Variants in PTP4A2 observed in about 807,000 individuals in gnomAD.
PTP4A2 encodes protein tyrosine phosphatase type IVA 2.
In PTP4A2, 2 loss-of-function variants were observed where a neutral mutation model predicts 22.9. That is an observed-to-expected ratio of 0.09 (90% CI 0.04 to 0.27). PTP4A2 has a LOEUF of 0.27. Ranked by LOEUF, PTP4A2 falls within the 10% of genes least tolerant of loss-of-function variation. PTP4A2 has a pLI of 1.00. For missense variants in PTP4A2, 103 were observed against 205.1 expected (o/e 0.50, Z 3.04); for synonymous variants, 68 against 69.1 (o/e 0.98, Z 0.08).
At chr1:31,937,939 G>C (rs1166912555) in intron 1 of PTP4A2, 48 bp downstream of exon 1, 1 of 149,852 alleles carries the variant, frequency 6.7e-6, no homozygotes, top group African/African-American at 2.5e-5. Context: ...CCCCTTCCCC[G>C]AGGCCCCCGG....
intron 1 of PTP4A2, among the ~76,000 whole-genome samples, chr1:31,920,334 T>C (rs1652079947): frequency 6.6e-6 from 1 of 150,986 alleles, no homozygotes; most frequent in Non-Finnish European, 1.5e-5. Context: ...TCCCAGCTAC[T>C]TGGGAGGCTG....
rs1259030099 is a variant in PTP4A2, at chr1:31,908,294, C to T, written c.*558G>A. 4 of 133,574 alleles carry T rather than the reference C, an allele frequency of 3.0e-5. No individual in the cohort carries two copies. Among genetic ancestry groups the T allele is most frequent in the South Asian group, 2.3e-4 (1 of 4,310 alleles). 8.3% of individuals were successfully genotyped at this position (133,574 alleles called of 1,614,324 possible). Reference sequence around the variant, plus strand: ...GTGGGCTTAAGGCTGCCAGACTGCACGCACATCTACAGCAACAAGGGCTTC... The same window carrying T: ...GTGGGCTTAAGGCTGCCAGACTGCATGCACATCTACAGCAACAAGGGCTTC... On this transcript the variant is annotated 3_prime_UTR_variant, in exon 6 of 6. Coordinates refer to ENST00000647444, the MANE Select transcript of PTP4A2 (RefSeq NM_080391.4).
chr1:31,913,829 T>C (rs1306135154), intron 3 of PTP4A2: 1 of 456,310 alleles, frequency 2.2e-6, no homozygotes, highest in African/African-American at 2.0e-5. Context: ...TCCAGTCATT[T>C]TCTCACTCTG....
At chr1:31,934,198 C>A (rs1222036573) in intron 1 of PTP4A2, among the ~76,000 whole-genome samples, 1 of 152,194 alleles carries the variant, frequency 6.6e-6, no homozygotes, top group East Asian at 1.9e-4. Context: ...GCGCAGGCTG[C>A]AGTGAGCCAA....
intron 1 of PTP4A2, among the ~76,000 whole-genome samples, chr1:31,932,251 A>G (rs1652755884): frequency 6.6e-6 from 1 of 152,238 alleles, no homozygotes; most frequent in South Asian, 2.1e-4. Flanking sequence ...TGAGAAGACT[A>G]AAAGTTCAAA....
At chr1:31,924,134 A>G (rs1652337824) in intron 1 of PTP4A2, 1 of 152,244 alleles carries the variant, frequency 6.6e-6, no homozygotes, top group African/African-American at 2.4e-5. Flanking sequence ...CAGCTCCAGC[A>G]TTAAGTTTTC....
intron 1 of PTP4A2, among the ~76,000 whole-genome samples, chr1:31,927,580 T>C (rs1437517309): frequency 6.6e-6 from 1 of 152,176 alleles, no homozygotes; most frequent in African/African-American, 2.4e-5. Flanking sequence ...CTCTATCTGC[T>C]ATGTGGAAAC....
intron 1 of PTP4A2, among the ~76,000 whole-genome samples, chr1:31,933,432 G>A (rs1269483010): frequency 6.6e-6 from 1 of 152,052 alleles, no homozygotes; most frequent in African/African-American, 2.4e-5. Context: ...TCTATTTATT[G>A]ATAATCTTTA....
At chr1:31,921,629 A>T (rs187464880) in intron 1 of PTP4A2, 3 of 152,304 alleles carry the variant, frequency 2.0e-5, no homozygotes, top group Admixed American at 2.0e-4. Flanking sequence ...AAAAAGGGAC[A>T]AAGCTTAAGT....
chr1:31,931,416 T>G (rs1036002323), intron 1 of PTP4A2, among the ~76,000 whole-genome samples: 17 of 152,234 alleles, frequency 1.1e-4, no homozygotes, highest in African/African-American at 4.1e-4. Context: ...CAATAAAAGC[T>G]CTTAGGAATT....
chr1:31,926,149 A>AAAATATATATATAT (rs59088489), intron 1 of PTP4A2, among the ~76,000 whole-genome samples: 8 of 131,344 alleles, frequency 6.1e-5, no homozygotes, highest in Admixed American at 7.7e-5. Context: ...AAAAAAAAAA[A>AAAATATATATATAT]ATATATATAT....
At chr1:31,913,160 T>C (rs1651633848) in intron 3 of PTP4A2, 5 of 306,052 alleles carry the variant, frequency 1.6e-5, no homozygotes, top group South Asian at 1.4e-4. Flanking sequence ...TATTCCAATG[T>C]GTGTCTGGTT....
chr1:31,925,483 C>T (rs182892803), intron 1 of PTP4A2, among the ~76,000 whole-genome samples: 1 of 152,240 alleles, frequency 6.6e-6, no homozygotes, highest in Non-Finnish European at 1.5e-5. Flanking sequence ...GGCCGGGCGC[C>T]GTGGCTCACG....
At position 31,907,736 on chromosome 1, in the gene PTP4A2, A is replaced by C. The variant is rs1254027401; in HGVS notation, c.*1116T>G. On this transcript the variant is annotated 3_prime_UTR_variant, in exon 6 of 6. Coordinates refer to ENST00000647444, the MANE Select transcript of PTP4A2 (RefSeq NM_080391.4). ...ACGGTTCCTGAAAATTCAGAGTACAAGTCCTAAAATAAAAATTTTAAGCTA... is the reference window on the plus strand; with the variant it reads ...ACGGTTCCTGAAAATTCAGAGTACACGTCCTAAAATAAAAATTTTAAGCTA... 6.6e-6 allele frequency: 1 copy of C among 152,140 alleles called. No homozygotes were observed. The highest frequency in any genetic ancestry group is 1.5e-5 in the Non-Finnish European group (1 of 68,032). The allele number at this position is 152,140 out of a possible 1,614,324, so 9.4% of individuals were successfully genotyped here.
At chr1:31,917,230 G>A (rs1344960816) in intron 2 of PTP4A2, among the ~76,000 whole-genome samples, 1 of 152,212 alleles carries the variant, frequency 6.6e-6, no homozygotes, top group East Asian at 1.9e-4. Context: ...TACAGGCGTA[G>A]AATCAACTTG....
intron 1 of PTP4A2, among the ~76,000 whole-genome samples, chr1:31,924,986 G>A (rs1331355547): frequency 6.6e-6 from 1 of 152,144 alleles, no homozygotes; most frequent in African/African-American, 2.4e-5. Context: ...ACACTAATAA[G>A]TAAAAAAAGG....
chr1:31,932,419 T>G (rs1042589702), intron 1 of PTP4A2, among the ~76,000 whole-genome samples: 1 of 152,134 alleles, frequency 6.6e-6, no homozygotes, highest in African/African-American at 2.4e-5. Context: ...AAGCCAACAT[T>G]GTGTAAGGTA....
chr1:31,910,399 C>T, intron 4 of PTP4A2: 1 of 259,258 alleles, frequency 3.9e-6, no homozygotes, highest in Non-Finnish European at 7.5e-6. Context: ...AGGTGATCCT[C>T]CTGCCTCAGT....
Position 31,908,773 on chromosome 1 carries a change from T to C in PTP4A2, c.*79A>G, listed in dbSNP as rs796598067. 12 of 952,228 alleles carry C rather than the reference T, an allele frequency of 1.3e-5. No individual in the cohort carries two copies. In the African/African-American group the frequency reaches 1.8e-4, roughly 14 times the overall value. The allele number at this position is 952,228 out of a possible 1,614,324, so 59.0% of individuals were successfully genotyped here. ...ATCACTACTTTGATGACACAGGTAA[T>C]ATTCCAGATTCACATTTCCAGGTAC... On this transcript the variant is annotated 3_prime_UTR_variant, in exon 6 of 6. Coordinates refer to ENST00000647444, the MANE Select transcript of PTP4A2 (RefSeq NM_080391.4).
Sources: allele counts gnomAD v4.1 joint callset (sites outside exome capture counted in the v4.1 genomes callset), GRCh38; gene constraint gnomAD v4.1.1; transcripts MANE v1.5; gene names NCBI Gene and HGNC (gene_info 2026-07-23, HGNC 2026-07-21).